The following ZNF287 variants were observed in gnomAD, a reference collection of about 807,000 sequenced individuals.
ZNF287 encodes the protein zinc finger protein with KRAB and SCAN domains 13.
In ZNF287, 31 loss-of-function variants were observed where a neutral mutation model predicts 73.7. That is an observed-to-expected ratio of 0.42 (90% confidence interval 0.32 to 0.57). The LOEUF is 0.57. Among genes scored for constraint, ZNF287 ranks in the 20% least tolerant of loss-of-function variants. The pLI, the probability that ZNF287 is intolerant of heterozygous loss-of-function variation, is 0.13. For synonymous variants in ZNF287, 301 were observed against 307.2 expected, an observed-to-expected ratio of 0.98 and a Z score of 0.21; for missense variants, 641 against 909.3, an observed-to-expected ratio of 0.70 and a Z score of 3.79.
chr17:16,556,175 C>T (rs540082467), intron 5 of ZNF287, among the ~76,000 whole-genome samples: 1 of 151,984 alleles, frequency 6.6e-6, no homozygotes, highest in East Asian at 1.9e-4. Context: ...GACACACACA[C>T]ACACACACAC....
rs1906301794 is a variant in ZNF287 at position 16,547,001 on chromosome 17, G to T, written c.*4855C>A. Among the ~76,000 whole-genome samples the T allele has an allele frequency of 6.6e-6, 1 of 152,178 alleles. No homozygotes were observed. The highest frequency in any genetic ancestry group is 6.5e-5 in the Admixed American group (1 of 15,272). On this transcript the variant is annotated 3_prime_UTR_variant, in exon 6 of 6. Coordinates refer to ENST00000395825, the MANE Select transcript of ZNF287 (RefSeq NM_020653.4). ...TTTAATGGTTATAGTGTTCTAAGGG[G>T]CTAATAATTATGAAAGATAGAGCCA...
chr17:16,551,911 C>T lies in ZNF287; in HGVS notation c.2231G>A (p.Ser744Asn). 6.2e-7 allele frequency: 1 copy of T among 1,613,682 alleles called. No individual in the cohort carries two copies. The highest frequency in any genetic ancestry group is 8.5e-7 in the Non-Finnish European group (1 of 1,179,770). ...CRICGKTFTQ[S>N]TNLIQHQRVH... ...ACGTTGATGCTGAATAAGGTTTGTA[C>T]TCTGGGTGAAGGTTTTACCACATAT... is the stretch of plus-strand genomic sequence containing the variant. The change falls in exon 6 of 6, where the codon AGT becomes AAT. Residue 744 changes from serine (S) to asparagine (N), a missense_variant. Physicochemically the swap from Ser to Asn is conservative, Grantham distance 46. Transcript: ENST00000395825.
chr17:16,568,394 T>G (rs1046006565), intron 1 of ZNF287, among the ~76,000 whole-genome samples: 9 of 152,120 alleles, frequency 5.9e-5, no homozygotes, highest in African/African-American at 2.2e-4. Flanking sequence ...TTTATCTGCG[T>G]TGCATGTTAA....
rs1486636708 is a variant in ZNF287 at position 16,553,209 on chromosome 17, A to G, written c.933T>C (p.Leu311=). Residue 311 remains leucine, a synonymous_variant, in exon 6 of 6, where the codon CTT becomes CTC. Transcript: ENST00000395825. ...SQEYDPTEEC[L]SKYDIYRNNF... is the part of the protein sequence containing the mutation. ...TATTTCTATATATATCATATTTACTAAGACATTCTTCTGTAGGATCATATT... is the reference window on the plus strand; with the variant it reads ...TATTTCTATATATATCATATTTACTGAGACATTCTTCTGTAGGATCATATT... The G allele has an allele frequency of 3.1e-6, 5 of 1,602,044 alleles. No homozygotes were observed. The highest frequency in any genetic ancestry group is 4.3e-6 in the Non-Finnish European group (5 of 1,169,534).
chr17:16,553,179 A>G lies in ZNF287; in HGVS notation c.963T>C (p.Phe321=), dbSNP rs1253762192. 6.2e-7 allele frequency: 1 copy of G among 1,605,098 alleles called. No individual in the cohort carries two copies. Among genetic ancestry groups the G allele is most frequent in the South Asian group, 1.1e-5 (1 of 90,758 alleles). ...GTACAATTAGGTTTGAATGCTTTTC[A>G]AAATTATTTCTATATATATCATATT... The part of the protein sequence containing the change: ...LSKYDIYRNN[F]EKHSNLIVQF... The change falls in exon 6 of 6, where the codon TTT becomes TTC. Residue 321 remains phenylalanine, a synonymous_variant. Coordinates refer to ENST00000395825, the MANE Select transcript of ZNF287 (RefSeq NM_020653.4).
At chr17:16,555,711 G>T (rs1031646436) in intron 5 of ZNF287, among the ~76,000 whole-genome samples, 1 of 151,820 alleles carries the variant, frequency 6.6e-6, no homozygotes, top group Non-Finnish European at 1.5e-5. Flanking sequence ...ATATGTATTT[G>T]TTGGTGCCTA....
intron 2 of ZNF287, among the ~76,000 whole-genome samples, chr17:16,567,115 A>G (rs1907792949): frequency 6.6e-6 from 1 of 152,210 alleles, no homozygotes; most frequent in Non-Finnish European, 1.5e-5. Flanking sequence ...GCTCCCAAGC[A>G]ATCTGGAAGG....
chr17:16,566,375 A>C lies in ZNF287; in HGVS notation c.501+150T>G, dbSNP rs189098616. On this transcript the variant is annotated intron_variant, in intron 3 of 5. Transcript: ENST00000395825. ...CCTTTTCTTTATAGTACATTCACCT[A>C]CCTTAACAGACCAAGATAACATAGG... The C allele has an allele frequency of 5.3e-6, 3 of 565,594 alleles. No homozygotes were observed. In the East Asian group the frequency reaches 9.0e-5, roughly 17 times the overall value. 35.0% of individuals were successfully genotyped at this position (565,594 alleles called of 1,614,324 possible).
At chr17:16,567,058 T>A (rs781381252) in intron 2 of ZNF287, among the ~76,000 whole-genome samples, 14 of 152,194 alleles carry the variant, frequency 9.2e-5, no homozygotes, top group Non-Finnish European at 1.6e-4. Context: ...TTGCGTCTGG[T>A]CATTATTTCA....
chr17:16,547,523 C>T lies in ZNF287; in HGVS notation c.*4333G>A, dbSNP rs1448937288. Among the ~76,000 whole-genome samples the T allele has an allele frequency of 6.6e-6, 1 of 152,142 alleles. No homozygotes were observed. The highest frequency in any genetic ancestry group is 6.5e-5 in the Admixed American group (1 of 15,272). On this transcript the variant is annotated 3_prime_UTR_variant, in exon 6 of 6. Transcript: ENST00000395825. ...GTTGTTTGCACCCGAAAGTTTATCC[C>T]AGTTATGTAATTATATCCCTCATTA...
At chr17:16,564,849 G>T (rs1907655319) in intron 3 of ZNF287, among the ~76,000 whole-genome samples, 1 of 151,724 alleles carries the variant, frequency 6.6e-6, no homozygotes, top group African/African-American at 2.4e-5. Context: ...CTCCTGAGTA[G>T]CTGGGATTAC....
intron 2 of ZNF287, 136 bp from the exon 3 acceptor site, chr17:16,566,758 G>T: frequency 1.8e-6 from 1 of 551,982 alleles, no homozygotes. Context: ...CTACTTCAAA[G>T]CATCAGAGGA....
At position 16,548,591 on chromosome 17, in the gene ZNF287, A is replaced by G. The variant is rs964027931; in HGVS notation, c.*3265T>C. ...GGCGGGTGGATCACGAGGTCAGGAT[A>G]TCGAGACAAGCCTGGCTAACACAGT... On this transcript the variant is annotated 3_prime_UTR_variant, in exon 6 of 6. Coordinates refer to ENST00000395825, the MANE Select transcript of ZNF287 (RefSeq NM_020653.4). Among the ~76,000 whole-genome samples the G allele has an allele frequency of 1.3e-5, 2 of 152,128 alleles. No individual in the cohort carries two copies. Among genetic ancestry groups the G allele is most frequent in the Non-Finnish European group, 2.9e-5 (2 of 68,014 alleles).
chr17:16,565,758 G>A (rs142810377), intron 3 of ZNF287, among the ~76,000 whole-genome samples: 1,536 of 152,232 alleles, frequency 0.01, 18 homozygotes, highest in Non-Finnish European at 0.012. Flanking sequence ...AGGCCAACAC[G>A]GGTGGATCAC....
At chr17:16,558,596 G>C (rs1907223765) in intron 5 of ZNF287, among the ~76,000 whole-genome samples, 1 of 152,110 alleles carries the variant, frequency 6.6e-6, no homozygotes, top group African/African-American at 2.4e-5. Context: ...CACTGTGCCT[G>C]GCCATATCAT....
chr17:16,553,793 C>G (rs370730603), intron 5 of ZNF287, among the ~76,000 whole-genome samples: 1 of 152,234 alleles, frequency 6.6e-6, no homozygotes, highest in South Asian at 2.1e-4. Context: ...ATCACTCTCT[C>G]TTCCAATCTG....
rs997525352 is a variant in ZNF287, at chr17:16,548,426, C to T, written c.*3430G>A. ...AATTTATGGAAACTACAGGGGGTAC[C>T]GGAACAACCCACATGTAAATAATCA... On this transcript the variant is annotated 3_prime_UTR_variant, in exon 6 of 6. Coordinates refer to ENST00000395825, the MANE Select transcript of ZNF287 (RefSeq NM_020653.4). Among the ~76,000 whole-genome samples, 8 of 152,192 alleles carry T rather than the reference C, an allele frequency of 5.3e-5. No individual in the cohort carries two copies. In the South Asian group the frequency reaches 8.3e-4, roughly 16 times the overall value.
At position 16,551,978 on chromosome 17, in the gene ZNF287, G is replaced by A; in HGVS notation, c.2164C>T (p.His722Tyr). The A allele has an allele frequency of 6.2e-7, 1 of 1,614,122 alleles. No homozygotes were observed. Among genetic ancestry groups the A allele is most frequent in the Non-Finnish European group, 8.5e-7 (1 of 1,179,986 alleles). ...TTCTCTCCTGTGTGAATTCTCTGGTGTTGAATAAGGCATGTTCTCTGGCTA... is the reference window on the plus strand; with the variant it reads ...TTCTCTCCTGTGTGAATTCTCTGGTATTGAATAAGGCATGTTCTCTGGCTA... Reference protein sequence around the residue: ...DFSQRTCLIQHQRIHTGEKPY... With the variant: ...DFSQRTCLIQYQRIHTGEKPY... The change falls in exon 6 of 6, where the codon CAC becomes TAC. Residue 722 changes from histidine (H) to tyrosine (Y), a missense_variant. Physicochemically the swap from His to Tyr is moderately conservative, Grantham distance 83. Coordinates refer to ENST00000395825, the MANE Select transcript of ZNF287 (RefSeq NM_020653.4).
chr17:16,552,999 T>G lies in ZNF287; in HGVS notation c.1143A>C (p.Pro381=). The change falls in exon 6 of 6, where the codon CCA becomes CCC. Residue 381 remains proline, a synonymous_variant. Transcript: ENST00000395825. This position sits in a 1 kb window ranked among gnomAD's most constrained non-coding sequence, Gnocchi z 6.5. ...GGGTACTTTGGTGTTTCAGGAGGGA[T>G]GGGTATTTCCTAAATTTTTTCCCAC... is the stretch of plus-strand genomic sequence containing the variant. ...NVCGKKFRKY[P]SLLKHQSTHA... 1 of 1,614,152 alleles carries G rather than the reference T, an allele frequency of 6.2e-7. No homozygotes were observed. Among genetic ancestry groups the G allele is most frequent in the African/African-American group, 1.3e-5 (1 of 75,036 alleles).
Sources: allele counts gnomAD v4.1 joint callset (sites outside exome capture counted in the v4.1 genomes callset), GRCh38; gene constraint gnomAD v4.1.1; non-coding constraint Gnocchi (gnomAD v3.1); transcripts MANE v1.5; gene names NCBI Gene and HGNC (gene_info 2026-07-23, HGNC 2026-07-21).